RREB1: variants seen among roughly 807,000 people sequenced by gnomAD.
RREB1 encodes the protein ras responsive element binding protein 1, also known as ras-responsive element-binding protein 1.
In RREB1, 27 loss-of-function variants were observed where a neutral mutation model predicts 117.8. The observed-to-expected ratio is 0.23, with a 90% CI of 0.17 to 0.32. RREB1 has a LOEUF of 0.32. Ranked by LOEUF, RREB1 falls within the 10% of genes least tolerant of loss-of-function variation. The pLI, the probability that RREB1 is intolerant of heterozygous loss-of-function variation, is 1.00. For missense variants in RREB1, 2,577 were observed against 2,378.2 expected (o/e 1.08, Z -1.74); for synonymous variants, 1,298 against 1,026.7 (o/e 1.26, Z -5.05).
At chr6:7,238,300 C>A (rs1031776754) in intron 10 of RREB1, among the ~76,000 whole-genome samples, 8 of 152,200 alleles carry the variant, frequency 5.3e-5, no homozygotes, top group Non-Finnish European at 1.0e-4. Flanking sequence ...TGCAGTGGCA[C>A]AATCTCTGCT....
chr6:7,204,440 T>C (rs1766160842), intron 6 of RREB1, among the ~76,000 whole-genome samples: 2 of 152,126 alleles, frequency 1.3e-5, no homozygotes, highest in Non-Finnish European at 2.9e-5. Context: ...CACACATCTT[T>C]CTAGAATCAT....
rs1351340813 is a variant in RREB1, at chr6:7,246,902, C to T, written c.4452C>T (p.Ser1484=). 6.4e-7 allele frequency: 1 copy of T among 1,553,994 alleles called. No homozygotes were observed. Among genetic ancestry groups the T allele is most frequent in the Non-Finnish European group, 8.7e-7 (1 of 1,149,370 alleles). ...AGGACGAGAAGGGAGATGGCGCCAG[C>T]ACTGCAGAGGAGGGGCCCCAGCCCG... The part of the protein sequence containing the change: ...EPKDEKGDGA[S]TAEEGPQPAP... The change falls in exon 12 of 13, where the codon AGC becomes AGT. Residue 1484 remains serine (S), a synonymous_variant. Transcript: ENST00000379938.
At position 7,246,702 on chromosome 6, in the gene RREB1, C is replaced by G; in HGVS notation, c.4252C>G (p.Leu1418Val). 6.3e-7 allele frequency: 1 copy of G among 1,584,560 alleles called. No homozygotes were observed. The highest frequency in any genetic ancestry group is 8.6e-7 in the Non-Finnish European group (1 of 1,165,820). ...CGCGTCGAGCAACCAGAGCCTGGAC[C>G]TGGACTTCGCCACCAAGCTCATGGA... is the stretch of plus-strand genomic sequence containing the variant. ...EDASSNQSLD[L>V]DFATKLMDFK... is the part of the protein sequence containing the mutation. Residue 1418 changes from leucine (L) to valine (V), a missense_variant, in exon 12 of 13, where the codon CTG becomes GTG. By Grantham distance (32) the Leu-to-Val change is conservative. Coordinates refer to ENST00000379938, the MANE Select transcript of RREB1 (RefSeq NM_001003699.4).
chr6:7,169,008 G>A (rs564719753), intron 1 of RREB1, among the ~76,000 whole-genome samples: 1 of 147,794 alleles, frequency 6.8e-6, no homozygotes, highest in South Asian at 2.1e-4. Flanking sequence ...TAGTGCCCTA[G>A]GTTATCAGGG....
intron 1 of RREB1, among the ~76,000 whole-genome samples, chr6:7,131,216 G>A (rs1029642481): frequency 2.0e-5 from 3 of 151,802 alleles, no homozygotes; most frequent in Non-Finnish European, 4.4e-5. Context: ...GTGAGCCACC[G>A]CGCCCGGCCA....
At chr6:7,152,499 T>C (rs1415341989) in intron 1 of RREB1, among the ~76,000 whole-genome samples, 2 of 152,222 alleles carry the variant, frequency 1.3e-5, no homozygotes, top group African/African-American at 4.8e-5. Context: ...GCCTTTAGCA[T>C]TGGGGCCTTT....
chr6:7,165,562 A>G (rs958371580), intron 1 of RREB1, among the ~76,000 whole-genome samples: 1 of 151,572 alleles, frequency 6.6e-6, no homozygotes. Flanking sequence ...GAATGTTCCC[A>G]TTACATACTG....
At chr6:7,136,434 G>GTTAT (rs1762351980) in intron 1 of RREB1, among the ~76,000 whole-genome samples, 5 of 152,118 alleles carry the variant, frequency 3.3e-5, no homozygotes, top group Admixed American at 3.3e-4. Context: ...TGTAAGAGAT[G>GTTAT]TTATTTATTT....
intron 1 of RREB1, among the ~76,000 whole-genome samples, chr6:7,138,793 TTTTTG>T (rs1233540200): frequency 5.3e-5 from 8 of 152,250 alleles, no homozygotes; most frequent in Non-Finnish European, 8.8e-5. Context: ...GATGACACTT[TTTTTG>T]TTTTGTTTTT....
rs1196810534 is a variant in RREB1 at position 7,251,418 on chromosome 6, C to T, written c.*2450C>T. The T allele has an allele frequency of 2.0e-5, 3 of 150,596 alleles. No individual in the cohort carries two copies. Among genetic ancestry groups the T allele is most frequent in the Admixed American group, 6.6e-5 (1 of 15,130 alleles). 9.3% of individuals were successfully genotyped at this position (150,596 alleles called of 1,614,324 possible). On this transcript the variant is annotated 3_prime_UTR_variant, in exon 13 of 13. Coordinates refer to ENST00000379938, the MANE Select transcript of RREB1 (RefSeq NM_001003699.4). ...TTTGTTTGATTCTCTTTCTCCTTCT[C>T]TCAGGGCTTTTACAAAAAAATATAT...
intron 12 of RREB1, among the ~76,000 whole-genome samples, chr6:7,248,279 G>T (rs1299650657): frequency 6.6e-6 from 1 of 152,190 alleles, no homozygotes; most frequent in Non-Finnish European, 1.5e-5. Flanking sequence ...TATGTAGAGT[G>T]CCTGGGCTGA....
intron 1 of RREB1, among the ~76,000 whole-genome samples, chr6:7,174,539 T>C (rs184002318): frequency 1.4e-4 from 22 of 152,326 alleles, no homozygotes; most frequent in Non-Finnish European, 2.9e-5. Context: ...TAAATTTTAA[T>C]GGAAGTCTTA....
intron 1 of RREB1, among the ~76,000 whole-genome samples, chr6:7,157,269 C>T (rs1200637381): frequency 6.6e-6 from 1 of 151,900 alleles, no homozygotes; most frequent in Non-Finnish European, 1.5e-5. Flanking sequence ...CCTGTCTCTA[C>T]CAAAAATACA....
rs767867669 is a variant in RREB1 at position 7,229,879 on chromosome 6, A to T, written c.1780A>T (p.Thr594Ser). Reference sequence around the variant, plus strand: ...GCTGCCGGGCCAGCCTGAGATGAAGACGCAGCTGGAGCAGGACAGCATCAT... The same window carrying T: ...GCTGCCGGGCCAGCCTGAGATGAAGTCGCAGCTGGAGCAGGACAGCATCAT... ...AELPGQPEMK[T>S]QLEQDSIIEA... The change falls in exon 10 of 13, where the codon ACG becomes TCG. Residue 594 changes from threonine (T) to serine (S), a missense_variant. Thr to Ser is a moderately conservative substitution (Grantham distance 58, BLOSUM62 1). Transcript: ENST00000379938. The surrounding 1 kb of genome is among the most constrained non-coding windows in gnomAD (Gnocchi z 4.5). 3.1e-6 allele frequency: 5 copies of T among 1,610,748 alleles called. No individual in the cohort carries two copies. The South Asian group carries it at 4.4e-5, about 14-fold the overall frequency.
In RREB1 at chr6:7,251,145, G is replaced by A. The variant is rs775552958; in HGVS notation, c.*2177G>A. On this transcript the variant is annotated 3_prime_UTR_variant, in exon 13 of 13. Coordinates refer to ENST00000379938, the MANE Select transcript of RREB1 (RefSeq NM_001003699.4). ...GTAGCAGTAATCAGCTCCCAGCGAC[G>A]TGTGTAGCTGGGGCTGCCGCTCGCA... 6 of 152,120 alleles carry A rather than the reference G, an allele frequency of 3.9e-5. No homozygotes were observed. The highest frequency in any genetic ancestry group is 1.3e-4 in the Admixed American group (2 of 15,270). The allele number at this position is 152,120 out of a possible 1,614,324, so 9.4% of individuals were successfully genotyped here. A position where few individuals can be genotyped will look rare whatever the true frequency, so the allele number is the denominator to read the frequency against.
chr6:7,212,194 A>G (rs1436628195), intron 8 of RREB1: 1 of 154,450 alleles, frequency 6.5e-6, no homozygotes, highest in East Asian at 1.9e-4. Flanking sequence ...CTGAGAAGCC[A>G]TTTTGGGGTC....
chr6:7,176,369 G>C (rs1444130889), intron 1 of RREB1, among the ~76,000 whole-genome samples: 3 of 152,148 alleles, frequency 2.0e-5, no homozygotes, highest in African/African-American at 7.2e-5. Context: ...CGGAGCCAGT[G>C]GTCCGAGCCA....
chr6:7,164,149 G>C (rs1763809566), intron 1 of RREB1, among the ~76,000 whole-genome samples: 1 of 152,108 alleles, frequency 6.6e-6, no homozygotes, highest in African/African-American at 2.4e-5. Flanking sequence ...TAAAAAAAAA[G>C]ATCCTAAAAA....
chr6:7,130,929 CTTTTTTTTTTTTT>C (rs61305060), intron 1 of RREB1, among the ~76,000 whole-genome samples: 48 of 45,758 alleles, frequency 1.0e-3, no homozygotes, highest in African/African-American at 4.5e-3. Flanking sequence ...ATAGTCATGT[CTTTTTTTTTTTTT>C]TTTTTTTTTT....
Sources: allele counts gnomAD v4.1 joint callset (sites outside exome capture counted in the v4.1 genomes callset), GRCh38; gene constraint gnomAD v4.1.1; non-coding constraint Gnocchi (gnomAD v3.1); transcripts MANE v1.5; gene names NCBI Gene and HGNC (gene_info 2026-07-23, HGNC 2026-07-21).